INPP4B: variants seen among roughly 807,000 people sequenced by gnomAD.
INPP4B encodes inositol polyphosphate 4-phosphatase type II.
A neutral mutation model predicts 122.5 loss-of-function variants in INPP4B; 55 were observed. That is an observed-to-expected ratio of 0.45 (90% CI 0.36 to 0.56). INPP4B has a LOEUF of 0.56. Among genes scored for constraint, INPP4B ranks in the 20% least tolerant of loss-of-function variants. INPP4B has a pLI of 0.00. For missense variants in INPP4B, 1,000 were observed against 1,097.7 expected (o/e 0.91, Z 1.26); for synonymous variants, 403 against 388.7 (o/e 1.04, Z -0.43).
chr4:142,043,356 TA>T (rs1334992914), intron 25 of INPP4B, among the ~76,000 whole-genome samples: 1 of 152,156 alleles, frequency 6.6e-6, no homozygotes, highest in Admixed American at 6.5e-5. Flanking sequence ...AGGCAAAATA[TA>T]AAATATACCA....
chr4:142,182,877 T>C (rs1478341075), intron 15 of INPP4B, among the ~76,000 whole-genome samples: 1 of 152,134 alleles, frequency 6.6e-6, no homozygotes, highest in African/African-American at 2.4e-5. Flanking sequence ...GCAACTATTA[T>C]AATAGTCTAA....
chr4:142,724,567 A>G (rs185056409), intron 2 of INPP4B, among the ~76,000 whole-genome samples: 1 of 152,258 alleles, frequency 6.6e-6, no homozygotes, highest in East Asian at 1.9e-4. Context: ...GTCAAAGCTA[A>G]TAGTTCTATG....
chr4:142,697,931 C>T (rs1185738639), intron 2 of INPP4B, among the ~76,000 whole-genome samples: 1 of 152,084 alleles, frequency 6.6e-6, no homozygotes. Flanking sequence ...TTAAAGACTA[C>T]ATTTGAGAAT....
At chr4:142,620,412 C>A (rs376785834) in intron 2 of INPP4B, among the ~76,000 whole-genome samples, 34 of 152,020 alleles carry the variant, frequency 2.2e-4, no homozygotes, top group African/African-American at 8.2e-4. Context: ...AACAGAAAAC[C>A]AAATACTGCA....
chr4:142,798,107 T>C (rs1777513892), intron 1 of INPP4B, among the ~76,000 whole-genome samples: 2 of 151,768 alleles, frequency 1.3e-5, no homozygotes, highest in South Asian at 2.1e-4. Flanking sequence ...CAAAAATAAG[T>C]CAAATGAAAT....
chr4:142,379,976 G>A (rs991694785), intron 7 of INPP4B, among the ~76,000 whole-genome samples: 10 of 152,214 alleles, frequency 6.6e-5, no homozygotes, highest in African/African-American at 2.4e-4. Context: ...GACAACTGCA[G>A]AGTACTTGAA....
chr4:142,253,182 C>G (rs145280929), intron 11 of INPP4B, among the ~76,000 whole-genome samples: 3 of 152,086 alleles, frequency 2.0e-5, no homozygotes, highest in Non-Finnish European at 4.4e-5. Flanking sequence ...ATGAAAGAAG[C>G]CTTCAGAGCT....
intron 25 of INPP4B, among the ~76,000 whole-genome samples, chr4:142,037,341 G>GTATC (rs1161936826): frequency 4.6e-5 from 7 of 151,938 alleles, no homozygotes; most frequent in African/African-American, 1.7e-4. Context: ...TTTTCTGCAA[G>GTATC]TATCTATGCT....
intron 7 of INPP4B, among the ~76,000 whole-genome samples, chr4:142,363,740 T>C (rs899616932): frequency 6.6e-6 from 1 of 152,076 alleles, no homozygotes; most frequent in Non-Finnish European, 1.5e-5. Context: ...GTGTCTCATA[T>C]ATAATGTTGC....
chr4:142,418,914 G>A (rs1432458634), intron 5 of INPP4B, among the ~76,000 whole-genome samples: 3 of 152,162 alleles, frequency 2.0e-5, no homozygotes, highest in African/African-American at 7.2e-5. Context: ...CTTGCCTGCT[G>A]GCGCAGGTGA....
At chr4:142,522,945 C>A (rs924864291) in intron 2 of INPP4B, among the ~76,000 whole-genome samples, 7 of 152,030 alleles carry the variant, frequency 4.6e-5, no homozygotes, top group South Asian at 2.1e-4. Context: ...CATGTGATTT[C>A]TTGTTGCTAG....
At chr4:142,185,255 A>G (rs907391427) in intron 15 of INPP4B, among the ~76,000 whole-genome samples, 1 of 152,084 alleles carries the variant, frequency 6.6e-6, no homozygotes, top group African/African-American at 2.4e-5. Context: ...ATTAAGGAAA[A>G]TAACCCCCAA....
At chr4:142,254,430 A>C (rs13136809) in intron 11 of INPP4B, among the ~76,000 whole-genome samples, 110,212 of 146,058 alleles carry the variant, frequency 0.75, 42,997 homozygotes, top group East Asian at 0.93. Context: ...CATTCAAACC[A>C]AAGGCAAAGA....
At chr4:142,095,314 A>G (rs1781354269) in intron 23 of INPP4B, among the ~76,000 whole-genome samples, 1 of 152,200 alleles carries the variant, frequency 6.6e-6, no homozygotes, top group Admixed American at 6.5e-5. Flanking sequence ...AATGTTTGGA[A>G]GAGTGCTATG....
intron 3 of INPP4B, among the ~76,000 whole-genome samples, chr4:142,436,488 C>T (rs1202501980): frequency 6.6e-6 from 1 of 152,184 alleles, no homozygotes; most frequent in Non-Finnish European, 1.5e-5. Context: ...ACACCCTATA[C>T]AGGAGCATTC....
chr4:142,212,866 A>G (rs1845497864), intron 12 of INPP4B, among the ~76,000 whole-genome samples: 2 of 152,280 alleles, frequency 1.3e-5, no homozygotes, highest in South Asian at 4.2e-4. Flanking sequence ...TGATAAATAT[A>G]GCATCCTACA....
chr4:142,246,436 T>G (rs1047799441), intron 11 of INPP4B, among the ~76,000 whole-genome samples: 3 of 152,152 alleles, frequency 2.0e-5, no homozygotes, highest in African/African-American at 7.2e-5. Flanking sequence ...GAACATAGAA[T>G]GTTTTTCCAT....
intron 2 of INPP4B, among the ~76,000 whole-genome samples, chr4:142,513,476 C>T (rs978019199): frequency 6.6e-6 from 1 of 151,866 alleles, no homozygotes; most frequent in East Asian, 1.9e-4. Context: ...GGCACAGTCT[C>T]GGCTCACTGC....
chr4:142,503,375 G>T (rs1268404061), intron 2 of INPP4B, among the ~76,000 whole-genome samples: 2 of 152,012 alleles, frequency 1.3e-5, no homozygotes, highest in Admixed American at 6.6e-5. Flanking sequence ...ATCTTCTTTA[G>T]CAATAATAAA....
Sources: allele counts gnomAD v4.1 joint callset (sites outside exome capture counted in the v4.1 genomes callset), GRCh38; gene constraint gnomAD v4.1.1; transcripts MANE v1.5; gene names NCBI Gene and HGNC (gene_info 2026-07-23, HGNC 2026-07-21).